The following UQCC1 variants were observed in gnomAD, a reference collection of about 807,000 sequenced individuals.
The protein encoded by UQCC1 is ubiquinol-cytochrome c reductase complex assembly factor 1.
In UQCC1, 38 loss-of-function variants were observed where a neutral mutation model predicts 48.0. That is an observed-to-expected ratio of 0.79 (90% CI 0.61 to 1.04). UQCC1 has a LOEUF of 1.04. UQCC1 is among the 50% of genes least tolerant of loss of function. UQCC1 has a pLI of 0.00. For synonymous variants in UQCC1, 111 were observed against 129.2 expected, an observed-to-expected ratio of 0.86 and a Z score of 0.95; for missense variants, 368 against 381.8, an observed-to-expected ratio of 0.96 and a Z score of 0.30.
chr20:35,348,875 A>C (rs2061460182), intron 6 of UQCC1, among the ~76,000 whole-genome samples: 1 of 152,120 alleles, frequency 6.6e-6, no homozygotes, highest in Non-Finnish European at 1.5e-5. Context: ...AGCAGATCTC[A>C]AACTCCTGGG....
chr20:35,321,354 G>T (rs949874087), intron 7 of UQCC1, among the ~76,000 whole-genome samples: 3 of 151,906 alleles, frequency 2.0e-5, no homozygotes, highest in African/African-American at 7.2e-5. Flanking sequence ...TTAATACCAA[G>T]AATAAAAAGA....
intron 5 of UQCC1, among the ~76,000 whole-genome samples, chr20:35,372,630 C>T (rs931644052): frequency 2.0e-5 from 3 of 152,284 alleles, no homozygotes; most frequent in Admixed American, 6.5e-5. Context: ...GGTTGGGAGA[C>T]TAAGGCAGGT....
At chr20:35,376,611 C>CA (rs1370977941) in intron 4 of UQCC1, among the ~76,000 whole-genome samples, 1 of 151,732 alleles carries the variant, frequency 6.6e-6, no homozygotes, top group Non-Finnish European at 1.5e-5. Context: ...AACCTCCCCA[C>CA]AATGCAAACT....
In UQCC1 at chr20:35,350,416, A is replaced by T. The variant is rs146908117; in HGVS notation, c.465-3144T>A. ...TATCTGACAGAAGGTTGACAACATG[A>T]CCAGGTGCAGTGGCTCACACCTGTA... On this transcript the variant is annotated intron_variant, in intron 6 of 9. Coordinates refer to ENST00000374385, the MANE Select transcript of UQCC1 (RefSeq NM_018244.5). Among the ~76,000 whole-genome samples the T allele has an allele frequency of 2.6e-5, 4 of 152,216 alleles. No individual in the cohort carries two copies. In the East Asian group the frequency reaches 7.7e-4, roughly 29 times the overall value.
At chr20:35,339,555 G>C (rs2061355578) in intron 7 of UQCC1, among the ~76,000 whole-genome samples, 1 of 152,148 alleles carries the variant, frequency 6.6e-6, no homozygotes, top group African/African-American at 2.4e-5. Flanking sequence ...AGAAGAATAT[G>C]TATTTGTGTG....
At chr20:35,323,735 C>T (rs992376048) in intron 7 of UQCC1, among the ~76,000 whole-genome samples, 1 of 152,182 alleles carries the variant, frequency 6.6e-6, no homozygotes, top group African/African-American at 2.4e-5. Flanking sequence ...CCATCATCTG[C>T]CTCAATGGGT....
At chr20:35,355,225 T>C (rs1218453306) in intron 6 of UQCC1, among the ~76,000 whole-genome samples, 1 of 152,222 alleles carries the variant, frequency 6.6e-6, no homozygotes, top group Non-Finnish European at 1.5e-5. Context: ...CAGAACAATG[T>C]AATTTGAAGA....
chr20:35,381,445 A>G (rs1344687871), intron 4 of UQCC1, among the ~76,000 whole-genome samples: 2 of 152,174 alleles, frequency 1.3e-5, no homozygotes, highest in Non-Finnish European at 2.9e-5. Context: ...AGATGCTTCT[A>G]AGGAATCAGG....
chr20:35,407,998 G>C (rs2062278210), intron 1 of UQCC1, among the ~76,000 whole-genome samples: 1 of 151,818 alleles, frequency 6.6e-6, no homozygotes, highest in South Asian at 2.1e-4. Flanking sequence ...CTCCAGCCTG[G>C]GCAACACGCG....
chr20:35,343,639 T>C (rs2061403890), intron 7 of UQCC1, among the ~76,000 whole-genome samples: 1 of 152,212 alleles, frequency 6.6e-6, no homozygotes, highest in South Asian at 2.1e-4. Flanking sequence ...CTCTATTATT[T>C]TAAAACCATC....
At chr20:35,411,848 C>G in intron 1 of UQCC1, 92 bp downstream of exon 1, 6 of 1,561,964 alleles carry the variant, frequency 3.8e-6, no homozygotes, top group Non-Finnish European at 5.3e-6. Flanking sequence ...AGGCTTCCCT[C>G]CTGCGATTCC....
At chr20:35,312,758 T>A (rs1473387060) in intron 8 of UQCC1, among the ~76,000 whole-genome samples, 1 of 152,218 alleles carries the variant, frequency 6.6e-6, no homozygotes, top group East Asian at 1.9e-4. Flanking sequence ...ATGAGATAGA[T>A]GAACCTCGAG....
At chr20:35,397,343 T>C (rs1180818548) in intron 1 of UQCC1, among the ~76,000 whole-genome samples, 2 of 151,186 alleles carry the variant, frequency 1.3e-5, no homozygotes, top group Non-Finnish European at 2.9e-5. Flanking sequence ...GTGAAACCCC[T>C]TCTCTACTAA....
At chr20:35,337,893 G>C (rs552045482) in intron 7 of UQCC1, among the ~76,000 whole-genome samples, 3 of 151,798 alleles carry the variant, frequency 2.0e-5, no homozygotes, top group African/African-American at 7.3e-5. Context: ...TCCCCGTCAC[G>C]GTCTCCTCTA....
intron 7 of UQCC1, among the ~76,000 whole-genome samples, chr20:35,330,029 ACT>A (rs1389341823): frequency 1.3e-5 from 2 of 152,152 alleles, no homozygotes; most frequent in East Asian, 3.9e-4. Flanking sequence ...TTAGGAATAG[ACT>A]CTGTGAGTTC....
intron 5 of UQCC1, 142 bp downstream of exon 5, chr20:35,374,042 C>A (rs1540928): frequency 0.59 from 378,974 of 647,544 alleles, 113,486 homozygotes; most frequent in East Asian, 0.74. Context: ...TTTAAAGAGA[C>A]AAATAGACAG....
intron 7 of UQCC1, among the ~76,000 whole-genome samples, chr20:35,341,132 A>C (rs2061372297): frequency 6.6e-6 from 1 of 151,584 alleles, no homozygotes; most frequent in South Asian, 2.1e-4. Context: ...GAGGCAGAAG[A>C]ATCGCTGGAA....
At chr20:35,403,665 T>C (rs1436528009) in intron 1 of UQCC1, among the ~76,000 whole-genome samples, 1 of 152,200 alleles carries the variant, frequency 6.6e-6, no homozygotes, top group Non-Finnish European at 1.5e-5. Flanking sequence ...CCAACCCAAA[T>C]GCCCAACAAT....
intron 6 of UQCC1, among the ~76,000 whole-genome samples, chr20:35,354,094 A>G (rs1332920131): frequency 2.0e-5 from 3 of 152,334 alleles, no homozygotes; most frequent in Admixed American, 6.5e-5. Flanking sequence ...TCCTAGGTAT[A>G]TAACAGGCTA....
Sources: allele counts gnomAD v4.1 joint callset (sites outside exome capture counted in the v4.1 genomes callset), GRCh38; gene constraint gnomAD v4.1.1; transcripts MANE v1.5; gene names NCBI Gene and HGNC (gene_info 2026-07-23, HGNC 2026-07-21).